Variants in PPARGC1A observed in about 807,000 individuals in gnomAD.
The protein encoded by PPARGC1A is peroxisome proliferator-activated receptor gamma coactivator 1-alpha.
A neutral mutation model predicts 88.7 loss-of-function variants in PPARGC1A; 25 were observed. That is an observed-to-expected ratio of 0.28 (90% CI 0.21 to 0.39). PPARGC1A has a LOEUF of 0.39. Ranked by LOEUF, PPARGC1A falls within the 10% of genes least tolerant of loss-of-function variation. The probability of loss-of-function intolerance (pLI) is 1.00; values close to 1 mark genes in which losing one functional copy is unlikely to be tolerated. For synonymous variants in PPARGC1A, 363 were observed against 355.6 expected, an observed-to-expected ratio of 1.02 and a Z score of -0.24; for missense variants, 880 against 968.7, an observed-to-expected ratio of 0.91 and a Z score of 1.22.
the PPARGC1A span, among the ~76,000 whole-genome samples, chr4:23,996,467 T>C: frequency 6.6e-6 from 1 of 152,152 alleles, no homozygotes; most frequent in Non-Finnish European, 1.5e-5. Flanking sequence ...TTGCTGCTTC[T>C]TGTTGCCAGG....
At chr4:24,403,809 ATCTC>A in the PPARGC1A span, among the ~76,000 whole-genome samples, 5 of 151,796 alleles carry the variant, frequency 3.3e-5, no homozygotes, top group African/African-American at 4.8e-5. Context: ...AACCTTGATC[ATCTC>A]TCTCTCTCTC....
chr4:24,446,787 C>T, the PPARGC1A span, among the ~76,000 whole-genome samples: 1 of 151,780 alleles, frequency 6.6e-6, no homozygotes, highest in Non-Finnish European at 1.5e-5. Flanking sequence ...TCAGTAGAGA[C>T]GGATGTTTTG....
the PPARGC1A span, among the ~76,000 whole-genome samples, chr4:24,362,882 C>T: frequency 6.6e-6 from 1 of 152,166 alleles, no homozygotes; most frequent in African/African-American, 2.4e-5. Flanking sequence ...TTCGGAAGCT[C>T]CTTTCAAATA....
intron 7 of PPARGC1A, among the ~76,000 whole-genome samples, chr4:23,817,630 A>G (rs1261989433): frequency 6.6e-6 from 1 of 152,156 alleles, no homozygotes; most frequent in Non-Finnish European, 1.5e-5. Context: ...ATTTGTTGAA[A>G]CAAATAGGTA....
At chr4:24,148,475 C>T in the PPARGC1A span, among the ~76,000 whole-genome samples, 1 of 152,314 alleles carries the variant, frequency 6.6e-6, no homozygotes, top group Non-Finnish European at 1.5e-5. Flanking sequence ...ACCTTCCCAC[C>T]TTTCCCTATT....
the PPARGC1A span, among the ~76,000 whole-genome samples, chr4:23,946,159 T>C: frequency 6.6e-6 from 1 of 152,174 alleles, no homozygotes; most frequent in African/African-American, 2.4e-5. Context: ...AGGGTATATA[T>C]TCTCTCCCTT....
chr4:24,180,383 C>G, the PPARGC1A span, among the ~76,000 whole-genome samples: 3 of 152,106 alleles, frequency 2.0e-5, no homozygotes, highest in Non-Finnish European at 4.4e-5. Context: ...TACATTTTTT[C>G]TACATAACTT....
chr4:24,423,155 G>T, the PPARGC1A span, among the ~76,000 whole-genome samples: 1 of 152,056 alleles, frequency 6.6e-6, no homozygotes, highest in Non-Finnish European at 1.5e-5. Context: ...TTCCCACACT[G>T]GCATAGACAA....
At chr4:24,060,649 T>C in the PPARGC1A span, among the ~76,000 whole-genome samples, 2 of 152,118 alleles carry the variant, frequency 1.3e-5, no homozygotes, top group African/African-American at 4.8e-5. Context: ...TTGAAGGGAG[T>C]GCTTTCTTAC....
At chr4:23,922,650 T>C in the PPARGC1A span, among the ~76,000 whole-genome samples, 1 of 152,180 alleles carries the variant, frequency 6.6e-6, no homozygotes, top group African/African-American at 2.4e-5. Flanking sequence ...TCTGTGTGTT[T>C]GTTTGGTTTA....
At chr4:24,463,307 C>T in the PPARGC1A span, among the ~76,000 whole-genome samples, 1 of 152,200 alleles carries the variant, frequency 6.6e-6, no homozygotes, top group Non-Finnish European at 1.5e-5. Flanking sequence ...AAAGCAAAAA[C>T]TCTTCAGATT....
the PPARGC1A span, among the ~76,000 whole-genome samples, chr4:24,178,695 T>C: frequency 6.6e-6 from 1 of 152,226 alleles, no homozygotes; most frequent in African/African-American, 2.4e-5. Context: ...TTGAAAATTA[T>C]CACTAAGAGG....
the PPARGC1A span, among the ~76,000 whole-genome samples, chr4:23,992,416 G>A: frequency 6.6e-6 from 1 of 151,890 alleles, no homozygotes; most frequent in Non-Finnish European, 1.5e-5. Flanking sequence ...CTGTACACAT[G>A]ATCTCATTTA....
intron 10 of PPARGC1A, among the ~76,000 whole-genome samples, chr4:23,805,846 T>A (rs1457044403): frequency 6.6e-6 from 1 of 152,092 alleles, no homozygotes; most frequent in Non-Finnish European, 1.5e-5. Flanking sequence ...TCAACTACCA[T>A]TATGGGAATA....
At chr4:23,861,979 C>G (rs555006704) in intron 2 of PPARGC1A, among the ~76,000 whole-genome samples, 1 of 152,294 alleles carries the variant, frequency 6.6e-6, no homozygotes, top group Admixed American at 6.5e-5. Flanking sequence ...AATTGCCTTC[C>G]TTCTCAACCA....
intron 7 of PPARGC1A, among the ~76,000 whole-genome samples, chr4:23,816,196 G>A (rs1721956877): frequency 1.3e-5 from 2 of 152,158 alleles, no homozygotes; most frequent in Admixed American, 6.6e-5. Flanking sequence ...CAAACACAAA[G>A]TGAATGGGAC....
the PPARGC1A span, among the ~76,000 whole-genome samples, chr4:24,043,597 TATG>T: frequency 6.6e-6 from 1 of 152,194 alleles, no homozygotes; most frequent in East Asian, 1.9e-4. Flanking sequence ...GATCGCATGT[TATG>T]ATATCTTTTC....
the PPARGC1A span, among the ~76,000 whole-genome samples, chr4:24,375,310 C>CAA: frequency 1.3e-5 from 2 of 152,122 alleles, no homozygotes; most frequent in South Asian, 4.1e-4. Flanking sequence ...GAAATCTGCT[C>CAA]AAAGTCCGAT....
the PPARGC1A span, among the ~76,000 whole-genome samples, chr4:24,057,711 TC>T: frequency 6.6e-6 from 1 of 152,104 alleles, no homozygotes; most frequent in East Asian, 1.9e-4. Flanking sequence ...ATGCAGGACT[TC>T]AATCCCAGAA....
Sources: gnomAD v4.1 joint callset for allele counts (sites outside exome capture counted in the v4.1 genomes callset) on GRCh38, gnomAD v4.1.1 for gene constraint, MANE v1.5 for transcripts, NCBI Gene and HGNC (gene_info 2026-07-23, HGNC 2026-07-21) for gene names.